The following USP40 variants were observed in gnomAD, a reference collection of about 807,000 sequenced individuals.
USP40 encodes ubiquitin specific peptidase 40, also known as ubiquitin carboxyl-terminal hydrolase 40.
In USP40, 143 loss-of-function variants were observed where a neutral mutation model predicts 166.2. The ratio of observed to expected loss-of-function variants is 0.86; its 90% CI spans 0.75 to 0.99. USP40 has a LOEUF of 0.99. USP40 is among the 50% of genes least tolerant of loss of function. The probability of loss-of-function intolerance (pLI) is 0.00; values close to 1 mark genes in which losing one functional copy is unlikely to be tolerated. For missense variants in USP40, 1,444 were observed against 1,479.7 expected (o/e 0.98, Z 0.40); for synonymous variants, 498 against 524.0 (o/e 0.95, Z 0.68).
chr2:233,517,784 GTGT>G (rs1559245325), intron 18 of USP40, among the ~76,000 whole-genome samples: 7 of 25,700 alleles, frequency 2.7e-4, no homozygotes, highest in Non-Finnish European at 4.4e-4. Context: ...AAACTGTGGT[GTGT>G]GTGTGTGTGT....
chr2:233,522,772 T>A (rs1460320672), intron 16 of USP40, among the ~76,000 whole-genome samples: 2 of 152,170 alleles, frequency 1.3e-5, no homozygotes, highest in African/African-American at 4.8e-5. Context: ...AAACAAAATA[T>A]CCAGAAACAA....
intron 16 of USP40, among the ~76,000 whole-genome samples, chr2:233,521,557 C>A (rs1007069882): frequency 6.6e-6 from 1 of 152,204 alleles, no homozygotes; most frequent in Non-Finnish European, 1.5e-5. Flanking sequence ...ATATTGTATA[C>A]TGCATTTCTA....
chr2:233,488,524 C>T (rs2125055634), intron 27 of USP40, among the ~76,000 whole-genome samples: 1 of 152,302 alleles, frequency 6.6e-6, no homozygotes, highest in African/African-American at 2.4e-5. Flanking sequence ...AGGTCTGGCT[C>T]TGGGAAGATG....
chr2:233,560,840 A>T (rs560550840), intron 3 of USP40: 288 of 543,738 alleles, frequency 5.3e-4, no homozygotes, highest in Admixed American at 1.1e-3. Context: ...ATTGTTGCAA[A>T]AAAAGTGCTT....
At chr2:233,496,875 A>G in intron 23 of USP40, 43 bp from the exon 24 acceptor site, 1 of 1,489,428 alleles carries the variant, frequency 6.7e-7, no homozygotes, top group Non-Finnish European at 9.3e-7. Context: ...TGACTTCTGA[A>G]AGGAGCAGAT....
At chr2:233,526,996 A>T (rs1209966984) in intron 13 of USP40, among the ~76,000 whole-genome samples, 1 of 152,228 alleles carries the variant, frequency 6.6e-6, no homozygotes. Context: ...TAAGAATATT[A>T]TTAATAAATA....
chr2:233,559,752 C>T, intron 4 of USP40, 59 bp downstream of exon 4: 6 of 1,234,018 alleles, frequency 4.9e-6, no homozygotes, highest in Non-Finnish European at 6.8e-6. Context: ...TAACATTAAA[C>T]CAGCCTTATT....
intron 11 of USP40, among the ~76,000 whole-genome samples, chr2:233,529,802 CTTTT>C (rs1317247497): frequency 7.8e-6 from 1 of 128,794 alleles, no homozygotes; most frequent in Non-Finnish European, 1.6e-5. Flanking sequence ...TTTTTTTTTT[CTTTT>C]TCTTTTTCTT....
At chr2:233,557,709 G>T (rs1008951084) in intron 4 of USP40, among the ~76,000 whole-genome samples, 20 of 152,172 alleles carry the variant, frequency 1.3e-4, no homozygotes, top group Non-Finnish European at 2.8e-4. Context: ...GAGTGCTGCT[G>T]AGAGCTCCTT....
At position 233,486,257 on chromosome 2, in the gene USP40, G is replaced by A. The variant is rs1397983715; in HGVS notation, c.3198-280C>T. Among the ~76,000 whole-genome samples the A allele has an allele frequency of 1.3e-5, 2 of 152,216 alleles. No individual in the cohort carries two copies. Among genetic ancestry groups the A allele is most frequent in the African/African-American group, 4.8e-5 (2 of 41,444 alleles). On this transcript the variant is annotated intron_variant, in intron 28 of 31. Coordinates refer to ENST00000678225, the MANE Select transcript of USP40 (RefSeq NM_001365479.2). The surrounding 1 kb of genome is among the most constrained non-coding windows in gnomAD (Gnocchi z 4.0). ...CTCAGTGCGGGAGAAAAGGAAAGAG[G>A]TGGCGGCCTGAGCAGGTACGATGTG... is the stretch of plus-strand genomic sequence containing the variant.
At chr2:233,510,389 T>TTTC in intron 20 of USP40, among the ~76,000 whole-genome samples, 1 of 134,850 alleles carries the variant, frequency 7.4e-6, no homozygotes, top group Non-Finnish European at 1.6e-5. Context: ...CTTCTTTTTC[T>TTTC]TTCTTTTTTT....
At chr2:233,508,005 G>A (rs2066549302) in intron 21 of USP40, among the ~76,000 whole-genome samples, 2 of 151,798 alleles carry the variant, frequency 1.3e-5, no homozygotes, top group South Asian at 4.2e-4. Context: ...GAGCATTTTG[G>A]ATTTTGGATT....
intron 23 of USP40, among the ~76,000 whole-genome samples, chr2:233,497,387 T>C (rs762919070): frequency 7.9e-5 from 12 of 152,036 alleles, no homozygotes; most frequent in Admixed American, 2.0e-4. Context: ...TGCATGACAT[T>C]GAAGCAGGGA....
At chr2:233,529,139 AATTC>A (rs2068288663) in intron 12 of USP40, among the ~76,000 whole-genome samples, 1 of 152,224 alleles carries the variant, frequency 6.6e-6, no homozygotes, top group Non-Finnish European at 1.5e-5. Flanking sequence ...GCCAGGATAC[AATTC>A]ATTCAGCCCA....
At chr2:233,497,912 C>T (rs2065839753) in intron 23 of USP40, among the ~76,000 whole-genome samples, 1 of 152,194 alleles carries the variant, frequency 6.6e-6, no homozygotes, top group African/African-American at 2.4e-5. Flanking sequence ...TCTTAAAGAA[C>T]AGGAAGTAGG....
intron 10 of USP40, among the ~76,000 whole-genome samples, chr2:233,538,124 C>T (rs190827874): frequency 1.8e-4 from 28 of 151,640 alleles, no homozygotes; most frequent in Admixed American, 6.6e-4. Context: ...ATAGTGTAAT[C>T]GCTAGATGAA....
rs78031755 is a variant in USP40 at position 233,548,466 on chromosome 2, T to C, written c.966+635A>G. Among the ~76,000 whole-genome samples, 970 of 152,288 alleles carry C rather than the reference T, an allele frequency of 6.4e-3. 22 individuals are homozygous for C. In the East Asian group the frequency reaches 0.084, roughly 13 times the overall value. On this transcript the variant is annotated intron_variant, in intron 8 of 31. Coordinates refer to ENST00000678225, the MANE Select transcript of USP40 (RefSeq NM_001365479.2). ...GAAAAAATTCAATAATTGTCAGCTATAGGAATTGTGCTGTCTCTTTATGAT... is the reference window on the plus strand; with the variant it reads ...GAAAAAATTCAATAATTGTCAGCTACAGGAATTGTGCTGTCTCTTTATGAT...
intron 11 of USP40, among the ~76,000 whole-genome samples, chr2:233,531,947 C>G (rs1242944992): frequency 6.6e-6 from 1 of 152,136 alleles, no homozygotes; most frequent in African/African-American, 2.4e-5. Flanking sequence ...TGTTTCACAC[C>G]GACTTCCTAG....
In USP40 at chr2:233,510,130, GAAC is replaced by G. The variant is rs1367051001; in HGVS notation, c.2529_2531del (p.Leu843del). 5.6e-6 allele frequency: 9 copies of G among 1,598,560 alleles called. No homozygotes were observed. The Admixed American group carries it at 1.5e-4, about 27-fold the overall frequency. On this transcript the variant is annotated inframe_deletion and splice_region_variant, in exon 21 of 32. Coordinates refer to ENST00000678225, the MANE Select transcript of USP40 (RefSeq NM_001365479.2). The stretch of plus-strand genomic sequence containing the variant: ...CGTCACTCCCCATTGCAAAAAACAG[GAAC>G]AACTAATAACAAGACAGATGTGTAA...
Sources: allele counts gnomAD v4.1 joint callset (sites outside exome capture counted in the v4.1 genomes callset), GRCh38; gene constraint gnomAD v4.1.1; non-coding constraint Gnocchi (gnomAD v3.1); transcripts MANE v1.5; gene names NCBI Gene and HGNC (gene_info 2026-07-23, HGNC 2026-07-21).